MAGI1: variants seen among roughly 807,000 people sequenced by gnomAD.
MAGI1 encodes the protein membrane-associated guanylate kinase, WW and PDZ domain-containing protein 1.
A neutral mutation model predicts 139.9 loss-of-function variants in MAGI1; 58 were observed. The ratio of observed to expected loss-of-function variants is 0.41; its 90% CI spans 0.34 to 0.52. The LOEUF is 0.52. Among genes scored for constraint, MAGI1 ranks in the 20% least tolerant of loss-of-function variants. The probability of loss-of-function intolerance (pLI) is 0.12; values close to 1 mark genes in which losing one functional copy is unlikely to be tolerated. For synonymous variants in MAGI1, 812 were observed against 737.9 expected, an observed-to-expected ratio of 1.10 and a Z score of -1.63; for missense variants, 1,874 against 1,901.6, an observed-to-expected ratio of 0.99 and a Z score of 0.27.
At chr3:65,619,557 G>T (rs574002517) in intron 2 of MAGI1, among the ~76,000 whole-genome samples, 1 of 152,084 alleles carries the variant, frequency 6.6e-6, no homozygotes, top group South Asian at 2.1e-4. Context: ...CAGATTACAC[G>T]AGCCCATTTC....
At chr3:65,378,704 C>A (rs1393424805) in intron 17 of MAGI1, among the ~76,000 whole-genome samples, 4 of 145,018 alleles carry the variant, frequency 2.8e-5, no homozygotes, top group Non-Finnish European at 6.0e-5. Context: ...TTTTTTAAGA[C>A]AGAGTCTCGC....
chr3:65,617,816 T>G (rs1274856550), intron 2 of MAGI1, among the ~76,000 whole-genome samples: 2 of 152,212 alleles, frequency 1.3e-5, no homozygotes, highest in Non-Finnish European at 1.5e-5. Context: ...TTTCTTCATT[T>G]GTTCATGCGT....
intron 18 of MAGI1, among the ~76,000 whole-genome samples, chr3:65,371,087 CT>C (rs1374930322): frequency 1.4e-4 from 22 of 152,254 alleles, no homozygotes; most frequent in African/African-American, 4.6e-4. Context: ...TTCTTTCCTT[CT>C]TTTGGATGTT....
At chr3:65,984,155 A>C (rs953902219) in intron 1 of MAGI1, among the ~76,000 whole-genome samples, 3 of 152,152 alleles carry the variant, frequency 2.0e-5, no homozygotes, top group Admixed American at 6.6e-5. Flanking sequence ...TTAGCCAAGC[A>C]TGGTGGCAGG....
chr3:65,456,820 A>C (rs1283469573), intron 5 of MAGI1, among the ~76,000 whole-genome samples: 1 of 152,154 alleles, frequency 6.6e-6, no homozygotes, highest in Non-Finnish European at 1.5e-5. Context: ...TTGCTTTTGT[A>C]AAAAATCAGT....
chr3:65,968,105 A>G (rs1347751426), intron 1 of MAGI1, among the ~76,000 whole-genome samples: 1 of 152,228 alleles, frequency 6.6e-6, no homozygotes, highest in Non-Finnish European at 1.5e-5. Flanking sequence ...ACAGAAATGG[A>G]AAGAAAAATA....
rs151145249 is a variant in MAGI1, at chr3:65,802,313, T to A, written c.314-180225A>T. On this transcript the variant is annotated intron_variant, in intron 1 of 22. Coordinates refer to ENST00000402939, the MANE Select transcript of MAGI1 (RefSeq NM_001033057.2). ...GGTCTGAACAAAATGGTTATTCTGA[T>A]AGGAGAATTCTAAATTCTATTTGAT... Among the ~76,000 whole-genome samples the A allele has an allele frequency of 7.2e-5, 11 of 152,308 alleles. 1 individual carries two copies. The East Asian group carries it at 2.1e-3, about 29-fold the overall frequency.
chr3:65,424,428 C>T (rs1194526014), intron 12 of MAGI1, among the ~76,000 whole-genome samples: 1 of 152,182 alleles, frequency 6.6e-6, no homozygotes, highest in East Asian at 1.9e-4. Context: ...AAACACATTA[C>T]TGCTCTCTAG....
intron 1 of MAGI1, among the ~76,000 whole-genome samples, chr3:65,705,230 G>A (rs2029980177): frequency 6.6e-6 from 1 of 152,120 alleles, no homozygotes; most frequent in Non-Finnish European, 1.5e-5. Context: ...GTACTTTAAT[G>A]TTTTCAGAGT....
intron 1 of MAGI1, among the ~76,000 whole-genome samples, chr3:65,892,981 A>G (rs34548503): frequency 0.02 from 3,034 of 152,292 alleles, 40 homozygotes; most frequent in Non-Finnish European, 0.029. Flanking sequence ...AACTGCAATC[A>G]TTGTTCCTTT....
At chr3:65,566,932 A>G (rs1275020313) in intron 2 of MAGI1, among the ~76,000 whole-genome samples, 2 of 152,180 alleles carry the variant, frequency 1.3e-5, no homozygotes, top group Non-Finnish European at 2.9e-5. Context: ...TTGTGAATGC[A>G]TCTACATGGC....
intron 2 of MAGI1, among the ~76,000 whole-genome samples, chr3:65,579,567 C>T (rs555775255): frequency 9.2e-5 from 14 of 152,132 alleles, no homozygotes; most frequent in Non-Finnish European, 1.9e-4. Context: ...TCTCACTGGC[C>T]GGACTCAGTG....
chr3:65,420,744 G>C (rs989209828), intron 12 of MAGI1, among the ~76,000 whole-genome samples: 5 of 152,204 alleles, frequency 3.3e-5, no homozygotes, highest in African/African-American at 9.6e-5. Flanking sequence ...AAAGGGGAAG[G>C]GATGACACCA....
chr3:65,570,137 C>T (rs924074198), intron 2 of MAGI1, among the ~76,000 whole-genome samples: 7 of 149,286 alleles, frequency 4.7e-5, no homozygotes, highest in Admixed American at 2.0e-4. Context: ...CAGTCTCACT[C>T]GGTTGCCAAG....
chr3:65,998,662 A>T (rs1389671637), intron 1 of MAGI1, among the ~76,000 whole-genome samples: 2 of 152,152 alleles, frequency 1.3e-5, no homozygotes, highest in Non-Finnish European at 2.9e-5. Context: ...TTTGTAGATT[A>T]TACTCTGAAA....
chr3:65,479,299 C>T (rs1951095677), intron 3 of MAGI1, among the ~76,000 whole-genome samples: 2 of 152,126 alleles, frequency 1.3e-5, no homozygotes, highest in South Asian at 2.1e-4. Context: ...CACGTGGCGC[C>T]TCTTTAGCTG....
At chr3:65,374,625 A>G (rs1335326998) in intron 18 of MAGI1, among the ~76,000 whole-genome samples, 1 of 152,090 alleles carries the variant, frequency 6.6e-6, no homozygotes, top group East Asian at 1.9e-4. Flanking sequence ...GCCTCAACTT[A>G]ATTTTTATTA....
chr3:65,998,499 G>A (rs1420133135), intron 1 of MAGI1, among the ~76,000 whole-genome samples: 1 of 152,156 alleles, frequency 6.6e-6, no homozygotes, highest in African/African-American at 2.4e-5. Context: ...TGACAATTCT[G>A]CAACAAATCA....
chr3:65,655,483 T>C (rs1475334543), intron 1 of MAGI1, among the ~76,000 whole-genome samples: 1 of 152,184 alleles, frequency 6.6e-6, no homozygotes, highest in African/African-American at 2.4e-5. Context: ...CTTCCACTGA[T>C]GGTACAATGG....
Sources: gnomAD v4.1 joint callset for allele counts (sites outside exome capture counted in the v4.1 genomes callset) on GRCh38, gnomAD v4.1.1 for gene constraint, MANE v1.5 for transcripts, NCBI Gene and HGNC (gene_info 2026-07-23, HGNC 2026-07-21) for gene names.